The following SUGCT variants were observed in gnomAD, a reference collection of about 807,000 sequenced individuals.
The protein encoded by SUGCT is succinyl-CoA:glutarate-CoA transferase.
Under a neutral mutation model 55.0 loss-of-function variants are expected in SUGCT, and 41 were observed. That is an observed-to-expected ratio of 0.74 (90% CI 0.58 to 0.97). The LOEUF (loss-of-function observed/expected upper bound fraction) is 0.97, where lower values mean the gene tolerates loss of function less well. SUGCT is among the 50% of genes least tolerant of loss of function. The probability of loss-of-function intolerance (pLI) is 0.00; values close to 1 mark genes in which losing one functional copy is unlikely to be tolerated. For missense variants in SUGCT, 568 were observed against 547.8 expected (o/e 1.04, Z -0.37); for synonymous variants, 187 against 200.4 (o/e 0.93, Z 0.56).
At chr7:40,184,162 C>T (rs1462761085) in intron 3 of SUGCT, among the ~76,000 whole-genome samples, 1 of 152,150 alleles carries the variant, frequency 6.6e-6, no homozygotes, top group African/African-American at 2.4e-5. Context: ...GCAACAAGAG[C>T]CACACTCCAT....
At chr7:40,804,413 C>T (rs1041974490) in intron 13 of SUGCT, among the ~76,000 whole-genome samples, 15 of 152,000 alleles carry the variant, frequency 9.9e-5, no homozygotes, top group African/African-American at 3.6e-4. Flanking sequence ...ATAATAGATG[C>T]TTAATAAATA....
At chr7:40,896,366 A>G in the SUGCT span, among the ~76,000 whole-genome samples, 1 of 152,222 alleles carries the variant, frequency 6.6e-6, no homozygotes, top group Non-Finnish European at 1.5e-5. Flanking sequence ...TTATGCACTG[A>G]AAGAATTAAT....
intron 12 of SUGCT, among the ~76,000 whole-genome samples, chr7:40,537,066 C>T (rs906915057): frequency 1.3e-5 from 2 of 152,182 alleles, no homozygotes; most frequent in Non-Finnish European, 2.9e-5. Context: ...TTGCAACAAT[C>T]TGGAAATCGC....
At chr7:40,602,506 G>T (rs1194849969) in intron 12 of SUGCT, among the ~76,000 whole-genome samples, 2 of 152,150 alleles carry the variant, frequency 1.3e-5, no homozygotes, top group Non-Finnish European at 2.9e-5. Context: ...GGCTTCAGAT[G>T]TGTCTATTCA....
chr7:40,584,512 G>A (rs886089543), intron 12 of SUGCT, among the ~76,000 whole-genome samples: 7 of 152,110 alleles, frequency 4.6e-5, no homozygotes, highest in South Asian at 4.1e-4. Flanking sequence ...TGTTTTAGGG[G>A]AAAAGACCAG....
chr7:40,614,981 G>T (rs570209578), intron 12 of SUGCT, among the ~76,000 whole-genome samples: 1 of 151,838 alleles, frequency 6.6e-6, no homozygotes, highest in African/African-American at 2.4e-5. Context: ...GCTTAAACTT[G>T]GGAGGCGGAG....
At chr7:40,955,772 T>C in the SUGCT span, among the ~76,000 whole-genome samples, 2 of 152,216 alleles carry the variant, frequency 1.3e-5, no homozygotes, top group Non-Finnish European at 2.9e-5. Flanking sequence ...GGGTTTGTCA[T>C]AAATAGCTCT....
intron 12 of SUGCT, among the ~76,000 whole-genome samples, chr7:40,724,872 G>C (rs1023097776): frequency 6.6e-6 from 1 of 152,040 alleles, no homozygotes; most frequent in Non-Finnish European, 1.5e-5. Context: ...TGCTATTTAA[G>C]GTTTGAGGAA....
chr7:40,703,683 T>C (rs1271075034), intron 12 of SUGCT, among the ~76,000 whole-genome samples: 2 of 152,238 alleles, frequency 1.3e-5, no homozygotes, highest in Non-Finnish European at 2.9e-5. Flanking sequence ...TCTATACTTA[T>C]AATCCCAGAT....
chr7:40,773,606 A>G (rs1479185903), intron 13 of SUGCT, among the ~76,000 whole-genome samples: 2 of 152,218 alleles, frequency 1.3e-5, no homozygotes, highest in African/African-American at 4.8e-5. Context: ...TCCGATGGGA[A>G]AATCTATGTG....
intron 9 of SUGCT, among the ~76,000 whole-genome samples, chr7:40,365,394 T>A (rs1783888983): frequency 6.6e-6 from 1 of 151,640 alleles, no homozygotes; most frequent in Non-Finnish European, 1.5e-5. Context: ...TTCAACATAG[T>A]GTTGGAAGTT....
intron 12 of SUGCT, among the ~76,000 whole-genome samples, chr7:40,723,738 G>A (rs1030942375): frequency 3.9e-5 from 6 of 152,158 alleles, no homozygotes; most frequent in African/African-American, 1.4e-4. Context: ...AAACACTAGA[G>A]TTACTTGTTT....
chr7:40,996,589 G>C, the SUGCT span, among the ~76,000 whole-genome samples: 1 of 152,186 alleles, frequency 6.6e-6, no homozygotes, highest in African/African-American at 2.4e-5. Flanking sequence ...CAGGGAAATT[G>C]CCACACCGTC....
intron 12 of SUGCT, among the ~76,000 whole-genome samples, chr7:40,605,683 A>C: frequency 6.6e-6 from 1 of 152,226 alleles, no homozygotes; most frequent in Non-Finnish European, 1.5e-5. Context: ...GGAAGATATT[A>C]ATTGCGAGGG....
chr7:40,613,047 C>T (rs576350392), intron 12 of SUGCT, among the ~76,000 whole-genome samples: 12 of 152,022 alleles, frequency 7.9e-5, no homozygotes, highest in Non-Finnish European at 1.6e-4. Flanking sequence ...GCAGGAGAAT[C>T]GCTTGAACCC....
chr7:40,429,040 T>C (rs1787750243), intron 9 of SUGCT, among the ~76,000 whole-genome samples: 1 of 152,170 alleles, frequency 6.6e-6, no homozygotes, highest in Admixed American at 6.6e-5. Flanking sequence ...GTATGCAGCA[T>C]GATGTTATGG....
chr7:40,905,590 C>G, the SUGCT span, among the ~76,000 whole-genome samples: 22 of 152,062 alleles, frequency 1.4e-4, no homozygotes, highest in Non-Finnish European at 2.5e-4. Context: ...AAATATCGGT[C>G]TCTCTCATTC....
intron 1 of SUGCT, among the ~76,000 whole-genome samples, chr7:40,147,422 C>G (rs1788312814): frequency 6.6e-6 from 1 of 152,198 alleles, no homozygotes; most frequent in African/African-American, 2.4e-5. Flanking sequence ...CTAAGGAATA[C>G]TTCACCACAT....
the SUGCT span, among the ~76,000 whole-genome samples, chr7:40,866,434 G>T: frequency 6.6e-6 from 1 of 151,286 alleles, no homozygotes; most frequent in African/African-American, 2.4e-5. Context: ...CTTCCATTTT[G>T]GGAGGACAGT....
Sources: allele counts gnomAD v4.1 joint callset (sites outside exome capture counted in the v4.1 genomes callset), GRCh38; gene constraint gnomAD v4.1.1; transcripts MANE v1.5; gene names NCBI Gene and HGNC (gene_info 2026-07-23, HGNC 2026-07-21).